Variants in SCN3A observed in about 807,000 individuals in gnomAD.
SCN3A encodes the protein sodium channel protein type 3 subunit alpha.
In SCN3A, 60 loss-of-function variants were observed where a neutral mutation model predicts 187.6. The observed-to-expected ratio is 0.32, with a 90% CI of 0.26 to 0.40. The LOEUF (loss-of-function observed/expected upper bound fraction) is 0.40. SCN3A is among the 10% of genes least tolerant of loss of function. The pLI is 1.00. For synonymous variants in SCN3A, 788 were observed against 829.2 expected (o/e 0.95, Z 0.85); for missense variants, 1,601 against 2,428.2 (o/e 0.66, Z 7.16).
intron 1 of SCN3A, among the ~76,000 whole-genome samples, chr2:165,200,535 T>C (rs1302590714): frequency 1.3e-5 from 2 of 152,060 alleles, no homozygotes; most frequent in East Asian, 3.9e-4. Flanking sequence ...GACCTAGAAC[T>C]GAGAGACAGA....
chr2:165,093,031 AGAGT>A (rs1206755308), intron 26 of SCN3A: 1 of 154,060 alleles, frequency 6.5e-6, no homozygotes, highest in Non-Finnish European at 1.4e-5. Flanking sequence ...CCTGAGAGAC[AGAGT>A]GAGACCCTGT....
chr2:165,139,446 A>G (rs1474838244), intron 14 of SCN3A, 30 bp downstream of exon 14: 7 of 1,613,522 alleles, frequency 4.3e-6, no homozygotes, highest in Non-Finnish European at 5.9e-6. Flanking sequence ...TAATCACAGA[A>G]AGTTGGCTGT....
intron 15 of SCN3A, among the ~76,000 whole-genome samples, chr2:165,136,661 T>A (rs987721099): frequency 1.3e-5 from 2 of 152,188 alleles, no homozygotes; most frequent in African/African-American, 2.4e-5. Context: ...TGAAGCAGCC[T>A]TTTTGGGTAG....
intron 16 of SCN3A, among the ~76,000 whole-genome samples, chr2:165,130,749 A>T (rs139909929): frequency 1.3e-5 from 2 of 152,290 alleles, no homozygotes; most frequent in South Asian, 4.1e-4. Context: ...TTGAAAAAAT[A>T]CACATTTTGC....
intron 22 of SCN3A, among the ~76,000 whole-genome samples, chr2:165,099,657 C>T (rs1343797899): frequency 6.6e-6 from 1 of 152,118 alleles, no homozygotes; most frequent in Admixed American, 6.5e-5. Flanking sequence ...GCGGAAGTTG[C>T]AGTGAGCTGA....
rs138684980 is a variant in SCN3A, at chr2:165,127,581, G to A, written c.3393+50C>T. 1.3e-4 allele frequency: 187 copies of A among 1,401,224 alleles called. No homozygotes were observed. In the African/African-American group the frequency reaches 2.4e-3, roughly 18 times the overall value. The allele number at this position is 1,401,224 out of a possible 1,614,324, so 86.8% of individuals were successfully genotyped here. On this transcript the variant is annotated intron_variant, in intron 18 of 27. Transcript: ENST00000283254. ...ACAATGAAAATAGTAAATAACTGTA[G>A]TACATGGTTATCATAGGAAATGGAA... is the stretch of plus-strand genomic sequence containing the variant.
At chr2:165,097,145 T>C in intron 23 of SCN3A, 107 bp downstream of exon 23, 4 of 1,285,464 alleles carry the variant, frequency 3.1e-6, no homozygotes, top group Non-Finnish European at 4.4e-6. Context: ...TCATTAACTT[T>C]TTTTCATGCT....
intron 20 of SCN3A, among the ~76,000 whole-genome samples, chr2:165,113,355 A>G (rs1250911338): frequency 1.3e-5 from 2 of 152,168 alleles, no homozygotes; most frequent in Non-Finnish European, 2.9e-5. Context: ...CTCAGAAATA[A>G]CTAGAAGTTC....
intron 18 of SCN3A, among the ~76,000 whole-genome samples, chr2:165,119,032 G>A (rs1686518769): frequency 6.6e-6 from 1 of 152,138 alleles, no homozygotes; most frequent in South Asian, 2.1e-4. Context: ...AAAGTGCTGG[G>A]ATTACAGGCG....
intron 21 of SCN3A, 80 bp downstream of exon 21, chr2:165,112,805 G>A (rs1686184438): frequency 1.6e-6 from 2 of 1,260,242 alleles, no homozygotes; most frequent in Non-Finnish European, 2.3e-6. Flanking sequence ...ATTAGTGAAA[G>A]TTTTAATAAC....
At position 165,114,280 on chromosome 2, in the gene SCN3A, C is replaced by G. The variant is rs150739869; in HGVS notation, c.3515-310G>C. Among the ~76,000 whole-genome samples, 448 of 152,334 alleles carry G rather than the reference C, an allele frequency of 2.9e-3. 2 individuals carry two copies. The highest frequency in any genetic ancestry group is 0.011 in the African/African-American group (439 of 41,584). ...ATTGATGAAAATAGTCCAGGTGCAT[C>G]TCTCAGGTTTGAGGCAAAAACTACA... On this transcript the variant is annotated intron_variant, in intron 19 of 27. Coordinates refer to ENST00000283254, the MANE Select transcript of SCN3A (RefSeq NM_006922.4).
chr2:165,094,893 A>G (rs368050397), intron 25 of SCN3A, among the ~76,000 whole-genome samples: 1 of 152,214 alleles, frequency 6.6e-6, no homozygotes. Flanking sequence ...CTGCTTCTAA[A>G]TGGAGCAGGA....
At chr2:165,094,081 A>C (rs1335904511) in intron 26 of SCN3A, 1 of 406,106 alleles carries the variant, frequency 2.5e-6, no homozygotes, top group Non-Finnish European at 4.5e-6. Flanking sequence ...GAGGAGGAGG[A>C]ACCAGGTGTG....
At chr2:165,091,395 T>G (rs756790364) in intron 27 of SCN3A, 50 bp from the exon 28 acceptor site, 11 of 1,607,704 alleles carry the variant, frequency 6.8e-6, no homozygotes, top group Non-Finnish European at 8.5e-7. Context: ...TTCACTTACA[T>G]GATGGCTTTA....
At chr2:165,198,271 T>C (rs934834426) in intron 1 of SCN3A, among the ~76,000 whole-genome samples, 4 of 151,958 alleles carry the variant, frequency 2.6e-5, no homozygotes, top group African/African-American at 9.7e-5. Context: ...AGGTAATGCA[T>C]AGATTCAAGG....
chr2:165,201,884 T>A (rs1280749393), intron 1 of SCN3A, among the ~76,000 whole-genome samples: 1 of 151,924 alleles, frequency 6.6e-6, no homozygotes, highest in Admixed American at 6.6e-5. Flanking sequence ...GATCAGAAAA[T>A]TTTAAAAACA....
rs146618194 is a variant in SCN3A at position 165,090,570 on chromosome 2, C to A, written c.5583G>T (p.Leu1861Phe). The A allele has an allele frequency of 4.3e-6, 7 of 1,613,860 alleles. No individual in the cohort carries two copies. The highest frequency in any genetic ancestry group is 5.9e-6 in the Non-Finnish European group (7 of 1,179,990). Residue 1861 changes from leucine (L) to phenylalanine (F), a missense_variant, in exon 28 of 28, where the codon TTG (leucine) becomes TTT (phenylalanine). Leu to Phe is a conservative substitution (Grantham distance 22). Around this residue, in one of 11 missense-constraint regions of SCN3A, gnomAD observed 110 missense variants for 175.9 expected, o/e 0.63. Transcript: ENST00000283254. The surrounding 1 kb of genome is among the most constrained non-coding windows in gnomAD (Gnocchi z 4.0). ...GGGCATCCATCTCTCCACTCTCACC[C>A]AAAACACGCTTTGTAAAGGCAAATA... ...DILFAFTKRV[L>F]GESGEMDALR...
At chr2:165,145,682 G>GT (rs962129937) in intron 12 of SCN3A, among the ~76,000 whole-genome samples, 3 of 151,336 alleles carry the variant, frequency 2.0e-5, no homozygotes, top group African/African-American at 4.9e-5. Context: ...ATTACTTCTG[G>GT]TTTTTTTTAG....
intron 11 of SCN3A, among the ~76,000 whole-genome samples, chr2:165,150,271 G>A (rs1417036161): frequency 1.3e-5 from 2 of 152,132 alleles, no homozygotes; most frequent in African/African-American, 4.8e-5. Context: ...AACAAAGATG[G>A]AAGTGATGCT....
Sources: gnomAD v4.1 joint callset for allele counts (sites outside exome capture counted in the v4.1 genomes callset) on GRCh38, gnomAD v4.1.1 for gene constraint, gnomAD v4.1.1 regional missense constraint, Gnocchi (gnomAD v3.1) non-coding constraint, MANE v1.5 for transcripts, NCBI Gene and HGNC (gene_info 2026-07-23, HGNC 2026-07-21) for gene names.